Variants in LRRC4C observed in about 807,000 individuals in gnomAD.
LRRC4C encodes leucine-rich repeat-containing protein 4C.
LRRC4C carries 5 observed loss-of-function variants against 33.6 expected under a neutral mutation model. The ratio of observed to expected loss-of-function variants is 0.15; its 90% CI spans 0.08 to 0.31. The LOEUF is 0.31. LRRC4C is among the 10% of genes least tolerant of loss of function. The pLI, the probability that LRRC4C is intolerant of heterozygous loss-of-function variation, is 1.00. For synonymous variants in LRRC4C, 329 were observed against 302.0 expected, an observed-to-expected ratio of 1.09 and a Z score of -0.93; for missense variants, 560 against 796.7, an observed-to-expected ratio of 0.70 and a Z score of 3.58.
At chr11:40,802,421 T>C (rs1407793059) in intron 2 of LRRC4C, among the ~76,000 whole-genome samples, 1 of 151,364 alleles carries the variant, frequency 6.6e-6, no homozygotes, top group Non-Finnish European at 1.5e-5. Flanking sequence ...GGTCCACATA[T>C]ACTGAATGGA....
intron 3 of LRRC4C, among the ~76,000 whole-genome samples, chr11:40,611,172 C>G (rs971127001): frequency 6.6e-6 from 1 of 151,788 alleles, no homozygotes; most frequent in Non-Finnish European, 1.5e-5. Flanking sequence ...GGCATAAAGA[C>G]AGACATATAC....
intron 3 of LRRC4C, among the ~76,000 whole-genome samples, chr11:40,331,139 T>C (rs1358872351): frequency 6.6e-6 from 1 of 152,108 alleles, no homozygotes; most frequent in Admixed American, 6.6e-5. Flanking sequence ...CAAATGCTGG[T>C]GAGAACAGGG....
At chr11:41,309,577 G>C (rs1461656554) in intron 1 of LRRC4C, among the ~76,000 whole-genome samples, 2 of 152,152 alleles carry the variant, frequency 1.3e-5, no homozygotes, top group Non-Finnish European at 2.9e-5. Context: ...CACTCCTACT[G>C]TCAAATCTGA....
intron 3 of LRRC4C, among the ~76,000 whole-genome samples, chr11:40,488,592 T>C (rs1400718573): frequency 6.6e-6 from 1 of 152,144 alleles, no homozygotes; most frequent in Non-Finnish European, 1.5e-5. Flanking sequence ...TTGTTGTCTG[T>C]GGCCTTGTGG....
At chr11:40,145,184 T>TA (rs1319448499) in intron 5 of LRRC4C, among the ~76,000 whole-genome samples, 21 of 152,256 alleles carry the variant, frequency 1.4e-4, no homozygotes, top group Admixed American at 1.3e-3. Context: ...AACTTATATA[T>TA]AGAAAAAAGC....
intron 1 of LRRC4C, among the ~76,000 whole-genome samples, chr11:41,059,169 T>C (rs1565344202): frequency 2.0e-5 from 3 of 147,054 alleles, no homozygotes; most frequent in South Asian, 4.3e-4. Flanking sequence ...AATTTGCCTA[T>C]ATAAGGAATC....
At chr11:40,788,056 C>T (rs1032997253) in intron 2 of LRRC4C, among the ~76,000 whole-genome samples, 1 of 152,202 alleles carries the variant, frequency 6.6e-6, no homozygotes, top group Non-Finnish European at 1.5e-5. Context: ...AATCCTATTC[C>T]GATTTTACAA....
At chr11:40,710,862 G>A (rs920353280) in intron 2 of LRRC4C, among the ~76,000 whole-genome samples, 1 of 152,194 alleles carries the variant, frequency 6.6e-6, no homozygotes, top group African/African-American at 2.4e-5. Context: ...CACCCAGTTC[G>A]AGCTTCCCAG....
intron 3 of LRRC4C, among the ~76,000 whole-genome samples, chr11:40,426,684 G>A (rs1950728615): frequency 1.3e-5 from 2 of 152,156 alleles, no homozygotes; most frequent in Admixed American, 1.3e-4. Context: ...TTTAAAAGCA[G>A]GGATGTTGTT....
chr11:40,170,516 A>T (rs981139521), intron 5 of LRRC4C, among the ~76,000 whole-genome samples: 1 of 152,230 alleles, frequency 6.6e-6, no homozygotes, highest in Non-Finnish European at 1.5e-5. Flanking sequence ...GAGAAAAAAA[A>T]AATCTAGAAA....
At chr11:40,649,889 C>T (rs964390175) in intron 2 of LRRC4C, among the ~76,000 whole-genome samples, 4 of 152,188 alleles carry the variant, frequency 2.6e-5, no homozygotes, top group Non-Finnish European at 5.9e-5. Context: ...CTTCCCACAA[C>T]AAATTGTAAA....
At chr11:40,823,872 C>T (rs1038992735) in intron 2 of LRRC4C, among the ~76,000 whole-genome samples, 1 of 151,828 alleles carries the variant, frequency 6.6e-6, no homozygotes, top group Admixed American at 6.6e-5. Flanking sequence ...GCAAAGACAT[C>T]TACACAATGT....
At position 41,202,844 on chromosome 11, in the gene LRRC4C, G is replaced by C. The variant is rs569685558; in HGVS notation, c.-496+256587C>G. The stretch of plus-strand genomic sequence containing the variant: ...TCTTTCACCCAGGCTAGAGTGCAGT[G>C]GCATGATCTCAGCTCTCTGCAACCT... On this transcript the variant is annotated intron_variant, in intron 1 of 6. Transcript: ENST00000528697. Among the ~76,000 whole-genome samples the C allele has an allele frequency of 2.6e-5, 4 of 151,338 alleles. No homozygotes were observed. The South Asian group carries it at 8.4e-4, about 32-fold the overall frequency.
chr11:40,358,506 CT>C (rs1255400058), intron 3 of LRRC4C, among the ~76,000 whole-genome samples: 2 of 152,096 alleles, frequency 1.3e-5, no homozygotes, highest in African/African-American at 2.4e-5. Context: ...GTCTTGAACC[CT>C]TGGGCTCAAG....
At chr11:40,745,492 A>G (rs985596577) in intron 2 of LRRC4C, among the ~76,000 whole-genome samples, 1 of 152,216 alleles carries the variant, frequency 6.6e-6, no homozygotes, top group Non-Finnish European at 1.5e-5. Context: ...CTTAAAGCAT[A>G]GTAATAAGGG....
intron 3 of LRRC4C, among the ~76,000 whole-genome samples, chr11:40,439,763 T>G (rs1386424809): frequency 1.3e-5 from 2 of 152,188 alleles, no homozygotes; most frequent in African/African-American, 4.8e-5. Context: ...CTTTATTCTT[T>G]AAATGCCTAT....
chr11:41,386,079 C>T (rs781402168), intron 1 of LRRC4C, among the ~76,000 whole-genome samples: 4 of 151,306 alleles, frequency 2.6e-5, no homozygotes, highest in Admixed American at 6.6e-5. Context: ...ACTTTATTTG[C>T]GTGTGTGTAT....
At chr11:40,698,738 G>T (rs1945707262) in intron 2 of LRRC4C, among the ~76,000 whole-genome samples, 1 of 152,138 alleles carries the variant, frequency 6.6e-6, no homozygotes, top group Non-Finnish European at 1.5e-5. Context: ...AGTTCCACGT[G>T]GCTGGGGAGG....
chr11:41,105,465 G>A (rs1223670804), intron 1 of LRRC4C, among the ~76,000 whole-genome samples: 9 of 151,948 alleles, frequency 5.9e-5, no homozygotes, highest in Admixed American at 5.9e-4. Flanking sequence ...CTCTCCAAGA[G>A]CAAAGTAGTT....
Sources: allele counts gnomAD v4.1 joint callset (sites outside exome capture counted in the v4.1 genomes callset), GRCh38; gene constraint gnomAD v4.1.1; transcripts MANE v1.5; gene names NCBI Gene and HGNC (gene_info 2026-07-23, HGNC 2026-07-21).